The following RNMT variants were observed in gnomAD, a reference collection of about 807,000 sequenced individuals.
RNMT encodes mRNA cap guanine-N(7) methyltransferase.
Under a neutral mutation model 56.0 loss-of-function variants are expected in RNMT, and 27 were observed. That is an observed-to-expected ratio of 0.48 (90% CI 0.36 to 0.67). RNMT has a LOEUF of 0.67. RNMT is among the 30% of genes least tolerant of loss of function. The pLI is 0.00. For synonymous variants in RNMT, 184 were observed against 176.2 expected, an observed-to-expected ratio of 1.04 and a Z score of -0.35; for missense variants, 519 against 552.1, an observed-to-expected ratio of 0.94 and a Z score of 0.60.
At chr18:13,728,464 T>G (rs559759082) in intron 1 of RNMT, among the ~76,000 whole-genome samples, 1 of 151,512 alleles carries the variant, frequency 6.6e-6, no homozygotes, top group East Asian at 1.9e-4. Flanking sequence ...GCCTCCCGAG[T>G]AGCTGGGATT....
chr18:13,733,365 C>A (rs2044106119), intron 3 of RNMT, among the ~76,000 whole-genome samples: 1 of 152,140 alleles, frequency 6.6e-6, no homozygotes, highest in South Asian at 2.1e-4. Context: ...TAACGCTGCA[C>A]ATAGCCTACT....
intron 11 of RNMT, 79 bp downstream of exon 11, chr18:13,754,226 G>T (rs1465384810): frequency 4.2e-6 from 4 of 963,544 alleles, no homozygotes; most frequent in South Asian, 2.9e-5. Flanking sequence ...CTGAAAAAAG[G>T]CTGGGCACTG....
At chr18:13,731,444 T>C in intron 2 of RNMT, 32 bp from the exon 3 acceptor site, 1 of 1,249,090 alleles carries the variant, frequency 8.0e-7, no homozygotes, top group Non-Finnish European at 1.1e-6. Flanking sequence ...TCTTAGTGTT[T>C]ACAAGTAATA....
rs140002390 is a variant in RNMT at position 13,738,008 on chromosome 18, A to C, written c.679+873A>C. 4.2e-3 allele frequency among the ~76,000 whole-genome samples: 638 copies of C among 152,060 alleles called. 6 individuals are homozygous for C. The highest frequency in any genetic ancestry group is 5.8e-3 in the South Asian group (28 of 4,812). On this transcript the variant is annotated intron_variant, in intron 5 of 11. Coordinates refer to ENST00000383314, the MANE Select transcript of RNMT (RefSeq NM_003799.3). The stretch of plus-strand genomic sequence containing the variant: ...AAAGTCGATAGTAACGCAATGAATC[A>C]ATCAATCAATCACCTTAGCCCGGTG...
intron 9 of RNMT, among the ~76,000 whole-genome samples, chr18:13,747,303 C>A (rs1230556860): frequency 1.3e-5 from 2 of 151,768 alleles, no homozygotes; most frequent in African/African-American, 4.8e-5. Flanking sequence ...CTCACTGAGG[C>A]CTTCACCTTC....
Position 13,731,819 on chromosome 18 carries a change from A to G in RNMT, c.302A>G (p.Asn101Ser). 1 of 1,613,636 alleles carries G rather than the reference A, an allele frequency of 6.2e-7. No homozygotes were observed. The highest frequency in any genetic ancestry group is 8.5e-7 in the Non-Finnish European group (1 of 1,179,942). The change falls in exon 3 of 12, where the codon AAT (asparagine) becomes AGT (serine). Residue 101 changes from asparagine (N) to serine (S), a missense_variant. Asn to Ser is a conservative substitution (Grantham distance 46). Coordinates refer to ENST00000383314, the MANE Select transcript of RNMT (RefSeq NM_003799.3). Reference protein sequence around the residue: ...EEKDCGDAEGNSKKRKRETED... With the variant: ...EEKDCGDAEGSSKKRKRETED... ...AAAGATTGTGGTGATGCTGAAGGCA[A>G]TTCAAAGAAAAGAAAAAGAGAAACT...
At chr18:13,748,935 C>G (rs1381208855) in intron 9 of RNMT, among the ~76,000 whole-genome samples, 1 of 152,020 alleles carries the variant, frequency 6.6e-6, no homozygotes, top group African/African-American at 2.4e-5. Flanking sequence ...CAAAATTAGC[C>G]AGGTGTGGTG....
chr18:13,733,433 G>A (rs1477649077), intron 3 of RNMT, among the ~76,000 whole-genome samples: 6 of 151,876 alleles, frequency 4.0e-5, no homozygotes, highest in Admixed American at 2.6e-4. Context: ...GCTGGAGTGC[G>A]GTGGCCCGAT....
rs1321645481 is a variant in RNMT, at chr18:13,743,342, AAATAAAT to A, written c.1139+693_1139+699del. Among the ~76,000 whole-genome samples the A allele has an allele frequency of 8.8e-5, 8 of 91,098 alleles. 1 individual carries two copies. The highest frequency in any genetic ancestry group is 6.3e-4 in the South Asian group (2 of 3,180). 59.8% of individuals were successfully genotyped at this position (91,098 alleles called of 152,430 possible). On this transcript the variant is annotated intron_variant, in intron 8 of 11. Transcript: ENST00000383314. ...CGTCTCAAAAAAAAAATAAATAAAT[AAATAAAT>A]AAATAAATAAATAAATAAATAAATC...
intron 1 of RNMT, among the ~76,000 whole-genome samples, chr18:13,728,471 G>T (rs8086240): frequency 0.86 from 129,599 of 151,180 alleles, 55,642 homozygotes; most frequent in East Asian, 0.95. Flanking sequence ...GAGTAGCTGG[G>T]ATTACAGGCG....
intron 9 of RNMT, among the ~76,000 whole-genome samples, chr18:13,747,441 TC>T (rs1411016858): frequency 3.3e-5 from 5 of 152,170 alleles, no homozygotes. Context: ...GGTCTCAAAC[TC>T]CTGGCCTCAT....
chr18:13,727,536 T>C (rs1024346056), intron 1 of RNMT, among the ~76,000 whole-genome samples: 2 of 152,234 alleles, frequency 1.3e-5, no homozygotes, highest in African/African-American at 4.8e-5. Context: ...ATGCATACAA[T>C]GTGTAACGAC....
intron 3 of RNMT, among the ~76,000 whole-genome samples, 195 bp downstream of exon 3, chr18:13,732,129 A>AT (rs1157829075): frequency 6.6e-6 from 1 of 152,144 alleles, no homozygotes; most frequent in Non-Finnish European, 1.5e-5. Flanking sequence ...AATGAGATAG[A>AT]TTTTTTAGTT....
chr18:13,742,393 T>G, intron 7 of RNMT, 95 bp from the exon 8 acceptor site: 1 of 1,057,440 alleles, frequency 9.5e-7, no homozygotes, highest in Non-Finnish European at 1.4e-6. Flanking sequence ...CAAGTGTGCA[T>G]CATGTAGTTT....
chr18:13,727,163 T>C (rs1294952994), intron 1 of RNMT, among the ~76,000 whole-genome samples: 1 of 152,216 alleles, frequency 6.6e-6, no homozygotes, highest in East Asian at 1.9e-4. Flanking sequence ...GGCCCCGTGG[T>C]AGAGGGTCAA....
chr18:13,742,867 T>G (rs1282262816), intron 8 of RNMT: 2 of 337,670 alleles, frequency 5.9e-6, no homozygotes, highest in Non-Finnish European at 1.0e-5. Context: ...ATAGCCTAAC[T>G]TAGTTTTCTC....
In RNMT at chr18:13,760,255, AAATAT is replaced by A; in HGVS notation, c.*282_*286del. The A allele has an allele frequency of 2.6e-6, 3 of 1,140,940 alleles. No homozygotes were observed. The highest frequency in any genetic ancestry group is 3.2e-6 in the Non-Finnish European group (3 of 929,102). 70.7% of individuals were successfully genotyped at this position (1,140,940 alleles called of 1,614,324 possible). A position where few individuals can be genotyped will look rare whatever the true frequency, so the allele number is the denominator to read the frequency against. On this transcript the variant is annotated 3_prime_UTR_variant, in exon 12 of 12. Transcript: ENST00000383314. ...TTGCCTCTATGATCTTAGCTCATAA[AAATAT>A]AATATGACTTGATAAAGCAACTAAA...
rs9956610 is a variant in RNMT, at chr18:13,760,116, A to C, written c.*137A>C. On this transcript the variant is annotated 3_prime_UTR_variant, in exon 12 of 12. Coordinates refer to ENST00000383314, the MANE Select transcript of RNMT (RefSeq NM_003799.3). ...AGGATGCTGCCAGAAACTCCAATGT[A>C]GAAATTCAACATTTGCTGTCTGTGA... 9.2e-3 allele frequency: 12,879 copies of C among 1,402,832 alleles called. 997 individuals are homozygous for C. In the African/African-American group the frequency reaches 0.17, roughly 18 times the overall value. 86.9% of individuals were successfully genotyped at this position (1,402,832 alleles called of 1,614,324 possible).
intron 11 of RNMT, among the ~76,000 whole-genome samples, chr18:13,757,519 G>A (rs1177761621): frequency 3.9e-5 from 6 of 152,142 alleles, no homozygotes; most frequent in Non-Finnish European, 1.5e-5. Context: ...TCTATCTCAA[G>A]CTCATCCATA....
Sources: allele counts gnomAD v4.1 joint callset (sites outside exome capture counted in the v4.1 genomes callset), GRCh38; gene constraint gnomAD v4.1.1; transcripts MANE v1.5; gene names NCBI Gene and HGNC (gene_info 2026-07-23, HGNC 2026-07-21).